The following WFDC3 variants were observed in gnomAD, a reference collection of about 807,000 sequenced individuals.
The protein encoded by WFDC3 is WAP four-disulfide core domain 3.
A neutral mutation model predicts 25.8 loss-of-function variants in WFDC3; 15 were observed. The ratio of observed to expected loss-of-function variants is 0.58; its 90% CI spans 0.39 to 0.89. WFDC3 has a LOEUF of 0.89. Among genes scored for constraint, WFDC3 ranks in the 40% least tolerant of loss-of-function variants. The pLI is 0.00. For missense variants in WFDC3, 264 were observed against 289.8 expected, an observed-to-expected ratio of 0.91 and a Z score of 0.65; for synonymous variants, 103 against 107.1, an observed-to-expected ratio of 0.96 and a Z score of 0.24.
intron 2 of WFDC3, among the ~76,000 whole-genome samples, chr20:45,789,429 C>A (rs1980842493): frequency 6.6e-6 from 1 of 150,654 alleles, no homozygotes; most frequent in Non-Finnish European, 1.5e-5. Flanking sequence ...TGGCGTGAAC[C>A]TGGGAGGTGG....
At chr20:45,789,173 T>G in intron 2 of WFDC3, 114 bp from the exon 3 acceptor site, 1 of 1,379,914 alleles carries the variant, frequency 7.2e-7, no homozygotes, top group Non-Finnish European at 9.7e-7. Context: ...CACTGCACTC[T>G]AGCCTGGGTG....
chr20:45,777,592 CA>C (rs2145682279), intron 4 of WFDC3, among the ~76,000 whole-genome samples: 1 of 152,274 alleles, frequency 6.6e-6, no homozygotes, highest in South Asian at 2.1e-4. Flanking sequence ...AATCATAGCT[CA>C]TTGCAGCCTG....
At chr20:45,786,914 G>A (rs1174062809) in intron 4 of WFDC3, among the ~76,000 whole-genome samples, 3 of 151,680 alleles carry the variant, frequency 2.0e-5, no homozygotes, top group African/African-American at 7.3e-5. Context: ...CTAACATGAC[G>A]AAAACCCGTC....
At chr20:45,790,724 CAAAA>C (rs773835512) in intron 1 of WFDC3, among the ~76,000 whole-genome samples, 1 of 104,406 alleles carries the variant, frequency 9.6e-6, no homozygotes. Context: ...GACTCTGTCT[CAAAA>C]AAAAAAAAAA....
At chr20:45,778,144 T>C (rs957132636) in intron 4 of WFDC3, among the ~76,000 whole-genome samples, 32 of 152,288 alleles carry the variant, frequency 2.1e-4, no homozygotes, top group African/African-American at 7.5e-4. Flanking sequence ...ATACTTCCTC[T>C]TGGAAACCAG....
intron 1 of WFDC3, chr20:45,790,872 G>A: frequency 2.1e-6 from 1 of 471,032 alleles, no homozygotes; most frequent in Non-Finnish European, 4.4e-6. Flanking sequence ...ATGAAGTCTA[G>A]CTGGCAGAAC....
At chr20:45,787,759 C>G in intron 4 of WFDC3, 77 bp downstream of exon 4, 1 of 1,475,368 alleles carries the variant, frequency 6.8e-7, no homozygotes, top group Non-Finnish European at 9.0e-7. Context: ...GTAAAACCAA[C>G]AAGCTGATAT....
chr20:45,774,519 C>G, intron 6 of WFDC3, 75 bp from the exon 7 acceptor site: 1 of 1,608,154 alleles, frequency 6.2e-7, no homozygotes, highest in Admixed American at 1.7e-5. Flanking sequence ...TCCCTCCACC[C>G]TAGGAAAGCT....
intron 4 of WFDC3, among the ~76,000 whole-genome samples, chr20:45,784,494 C>A (rs1980584043): frequency 1.3e-5 from 2 of 152,216 alleles, no homozygotes; most frequent in Non-Finnish European, 2.9e-5. Flanking sequence ...GTAATCCCAG[C>A]ACTTTGGGAG....
At chr20:45,788,313 A>AG (rs549265169) in intron 3 of WFDC3, 56 of 169,496 alleles carry the variant, frequency 3.3e-4, no homozygotes, top group African/African-American at 1.2e-3. Flanking sequence ...TCAAAAAAAA[A>AG]AGAGAGAGAG....
At chr20:45,785,313 T>A (rs772951811) in intron 4 of WFDC3, among the ~76,000 whole-genome samples, 1 of 151,590 alleles carries the variant, frequency 6.6e-6, no homozygotes, top group Non-Finnish European at 1.5e-5. Context: ...CTTCTAAAAA[T>A]ACAAAAATTA....
At chr20:45,778,618 CA>C (rs745605226) in intron 4 of WFDC3, 1 of 152,204 alleles carries the variant, frequency 6.6e-6, no homozygotes, top group African/African-American at 2.4e-5. Flanking sequence ...CAAAGATAGA[CA>C]TTACACAGAG....
chr20:45,787,807 C>A, intron 4 of WFDC3, 29 bp downstream of exon 4: 2 of 1,595,562 alleles, frequency 1.3e-6, no homozygotes, highest in South Asian at 1.1e-5. Flanking sequence ...ACCAAACAGA[C>A]CATGAGGTGT....
chr20:45,774,572 C>A (rs1980047682), intron 6 of WFDC3, 128 bp from the exon 7 acceptor site: 14 of 1,197,294 alleles, frequency 1.2e-5, no homozygotes, highest in Admixed American at 1.0e-4. Context: ...CTCCTTGCTT[C>A]CCAGACAATC....
chr20:45,787,270 GT>G (rs1240071306), intron 4 of WFDC3, among the ~76,000 whole-genome samples: 12 of 135,052 alleles, frequency 8.9e-5, no homozygotes, highest in Non-Finnish European at 1.4e-4. Context: ...TTACCCAGTG[GT>G]TTTCTTTTTT....
intron 5 of WFDC3, among the ~76,000 whole-genome samples, chr20:45,776,077 A>C (rs778553790): frequency 1.8e-4 from 27 of 152,182 alleles, no homozygotes; most frequent in Non-Finnish European, 3.2e-4. Flanking sequence ...GAATATGTCT[A>C]TCTTGCCTGA....
At chr20:45,790,546 G>A (rs1053656218) in intron 1 of WFDC3, among the ~76,000 whole-genome samples, 1 of 152,304 alleles carries the variant, frequency 6.6e-6, no homozygotes, top group East Asian at 1.9e-4. Context: ...CCAACATGGC[G>A]AAACCCTGTC....
chr20:45,790,563 A>G (rs1980912760), intron 1 of WFDC3, among the ~76,000 whole-genome samples: 2 of 152,164 alleles, frequency 1.3e-5, no homozygotes, highest in South Asian at 4.1e-4. Context: ...TGTCTCTACT[A>G]AAAATACAAA....
chr20:45,774,315 G>C lies in WFDC3; in HGVS notation c.*113C>G, dbSNP rs1568696293. 6 of 1,423,418 alleles carry C rather than the reference G, an allele frequency of 4.2e-6. No homozygotes were observed. The highest frequency in any genetic ancestry group is 2.8e-5 in the African/African-American group (2 of 71,000). 88.2% of individuals were successfully genotyped at this position (1,423,418 alleles called of 1,614,324 possible). A position where few individuals can be genotyped will look rare whatever the true frequency, so the allele number is the denominator to read the frequency against. ...CAGCGGCAGGAGGAGAAGCAGAGCA[G>C]AGAGGGCCATGAGTGCCCCTGGAAA... On this transcript the variant is annotated 3_prime_UTR_variant, in exon 7 of 7. Coordinates refer to ENST00000243938, the MANE Select transcript of WFDC3 (RefSeq NM_080614.2).
Sources: allele counts gnomAD v4.1 joint callset (sites outside exome capture counted in the v4.1 genomes callset), GRCh38; gene constraint gnomAD v4.1.1; transcripts MANE v1.5; gene names NCBI Gene and HGNC (gene_info 2026-07-23, HGNC 2026-07-21).